Variants in PANX1 observed in about 807,000 individuals in gnomAD.
PANX1 encodes pannexin-1.
Under a neutral mutation model 38.7 loss-of-function variants are expected in PANX1, and 30 were observed. That is an observed-to-expected ratio of 0.78 (90% confidence interval 0.58 to 1.05). The LOEUF (loss-of-function observed/expected upper bound fraction) is 1.05, where lower values mean the gene tolerates loss of function less well. Ranked by LOEUF, PANX1 falls within the 50% of genes least tolerant of loss-of-function variation. The pLI is 0.00. For missense variants in PANX1, 551 were observed against 517.2 expected (o/e 1.07, Z -0.63); for synonymous variants, 230 against 212.2 (o/e 1.08, Z -0.73).
In PANX1 at chr11:94,180,970, G is replaced by A. The variant is rs576216294; in HGVS notation, c.*101G>A. On this transcript the variant is annotated 3_prime_UTR_variant, in exon 5 of 5. Coordinates refer to ENST00000227638, the MANE Select transcript of PANX1 (RefSeq NM_015368.4). ...TTTCACAGCTGGTTTGCAATAAATG[G>A]TTCTTGGTGGAGATACTGAGCATGT... is the stretch of plus-strand genomic sequence containing the variant. The A allele has an allele frequency of 1.4e-6, 1 of 723,806 alleles. No individual in the cohort carries two copies. Among genetic ancestry groups the A allele is most frequent in the Non-Finnish European group, 2.5e-6 (1 of 396,584 alleles). The allele number at this position is 723,806 out of a possible 1,614,324, so 44.8% of individuals were successfully genotyped here.
At chr11:94,130,029 C>T (rs968559583) in intron 1 of PANX1, among the ~76,000 whole-genome samples, 8 of 152,204 alleles carry the variant, frequency 5.3e-5, no homozygotes, top group African/African-American at 1.9e-4. Context: ...TTAGAGGGAT[C>T]CTCAACTTGG....
chr11:94,129,301 C>A lies in PANX1; in HGVS notation c.-12C>A, dbSNP rs1437111446. 2.5e-6 allele frequency: 4 copies of A among 1,596,180 alleles called. No individual in the cohort carries two copies. The highest frequency in any genetic ancestry group is 3.4e-6 in the Non-Finnish European group (4 of 1,166,594). On this transcript the variant is annotated 5_prime_UTR_variant, in exon 1 of 5. Transcript: ENST00000227638. ...ACCCGGACCTCCTGGTCGAGCCTGGCGCGCCGCAGCCATGGCCATCGCTCA... is the reference window on the plus strand; with the variant it reads ...ACCCGGACCTCCTGGTCGAGCCTGGAGCGCCGCAGCCATGGCCATCGCTCA...
intron 2 of PANX1, among the ~76,000 whole-genome samples, chr11:94,155,378 C>T (rs1240164405): frequency 6.7e-6 from 1 of 148,558 alleles, no homozygotes; most frequent in Non-Finnish European, 1.5e-5. Context: ...GCCAGGCATG[C>T]TGGTGCATGC....
At chr11:94,145,806 G>A (rs761230418) in intron 1 of PANX1, among the ~76,000 whole-genome samples, 1 of 152,218 alleles carries the variant, frequency 6.6e-6, no homozygotes, top group African/African-American at 2.4e-5. Context: ...TATAGATACT[G>A]TTGGGAGCCA....
intron 2 of PANX1, chr11:94,175,773 T>C: frequency 1.0e-5 from 10 of 984,818 alleles, no homozygotes; most frequent in Non-Finnish European, 1.1e-5. Flanking sequence ...CAGCCAAAAT[T>C]CAGCTAATCA....
chr11:94,173,599 G>C (rs914151231), intron 2 of PANX1, among the ~76,000 whole-genome samples: 1 of 151,230 alleles, frequency 6.6e-6, no homozygotes, highest in South Asian at 2.1e-4. Context: ...CTCCTTTTCC[G>C]TCCCCCTCTT....
Position 94,180,140 on chromosome 11 carries a change from G to T in PANX1, c.1084G>T (p.Asp362Tyr). The T allele has an allele frequency of 1.2e-6, 2 of 1,613,766 alleles. No individual in the cohort carries two copies. Among genetic ancestry groups the T allele is most frequent in the South Asian group, 2.2e-5 (2 of 90,996 alleles). Residue 362 changes from aspartate to tyrosine, a missense_variant, in exon 4 of 5, where the codon GAC (aspartate) becomes TAC (tyrosine). Physicochemically the swap from Asp to Tyr is radical, Grantham distance 160. Coordinates refer to ENST00000227638, the MANE Select transcript of PANX1 (RefSeq NM_015368.4). ...TATTAAGAGCAGTGGTCAGGGGATCGACCCAATGCTACTCCTGACAAACCT... is the reference window on the plus strand; with the variant it reads ...TATTAAGAGCAGTGGTCAGGGGATCTACCCAATGCTACTCCTGACAAACCT... ...ENIKSSGQGI[D>Y]PMLLLTNLGM...
chr11:94,161,549 C>G lies in PANX1; in HGVS notation c.321+7919C>G, dbSNP rs188280504. ...GCTTGTGCATTTGTCAGGTAGTTCT[C>G]GTGCCGTGGTTTTCAGCTCCATCAG... On this transcript the variant is annotated intron_variant, in intron 2 of 4. Transcript: ENST00000227638. 3.3e-5 allele frequency among the ~76,000 whole-genome samples: 5 copies of G among 152,178 alleles called. No homozygotes were observed. In the South Asian group the frequency reaches 1.0e-3, roughly 32 times the overall value.
intron 1 of PANX1, among the ~76,000 whole-genome samples, chr11:94,137,642 G>C (rs1946710291): frequency 1.4e-5 from 2 of 147,172 alleles, no homozygotes; most frequent in African/African-American, 5.1e-5. Flanking sequence ...CATCTGCTTG[G>C]TACCAGGCAC....
At chr11:94,179,517 G>T in intron 3 of PANX1, 85 bp from the exon 4 acceptor site, 1 of 949,840 alleles carries the variant, frequency 1.1e-6, no homozygotes. Flanking sequence ...AATTTTTAGT[G>T]TGACATTGTT....
chr11:94,165,621 G>A (rs2134510197), intron 2 of PANX1, among the ~76,000 whole-genome samples: 1 of 152,280 alleles, frequency 6.6e-6, no homozygotes, highest in East Asian at 1.9e-4. Context: ...TAAAATAATT[G>A]GTTATGTGGC....
rs191846383 is a variant in PANX1 at position 94,181,804 on chromosome 11, G to A, written c.*935G>A. On this transcript the variant is annotated 3_prime_UTR_variant, in exon 5 of 5. Transcript: ENST00000227638. ...GTGACATTGGCATGCTTCATATGGC[G>A]TGCTTGGAGCCAGAAAAACTTAGCG... 35 of 152,276 alleles carry A rather than the reference G, an allele frequency of 2.3e-4. No individual in the cohort carries two copies. The highest frequency in any genetic ancestry group is 7.2e-4 in the African/African-American group (30 of 41,552). The allele number at this position is 152,276 out of a possible 1,614,324, so 9.4% of individuals were successfully genotyped here.
intron 2 of PANX1, among the ~76,000 whole-genome samples, chr11:94,158,813 C>T (rs985329485): frequency 6.6e-6 from 1 of 152,162 alleles, no homozygotes; most frequent in Non-Finnish European, 1.5e-5. Flanking sequence ...GAGAGGGCAT[C>T]CCTGTCTTGT....
chr11:94,178,794 T>C (rs1344968714), intron 3 of PANX1, among the ~76,000 whole-genome samples: 1 of 152,130 alleles, frequency 6.6e-6, no homozygotes. Flanking sequence ...TCCTACCCAT[T>C]TGTTTATCCT....
chr11:94,179,759 T>C lies in PANX1; in HGVS notation c.703T>C (p.Phe235Leu). Reference sequence around the variant, plus strand: ...AGCGTGTATCTACCTGGGCTATTACTTCAGCCTCTCCTCACTCTCAGACGA... The same window carrying C: ...AGCGTGTATCTACCTGGGCTATTACCTCAGCCTCTCCTCACTCTCAGACGA... Reference protein sequence around the residue: ...LLACIYLGYYFSLSSLSDEFV... With the variant: ...LLACIYLGYYLSLSSLSDEFV... The change falls in exon 4 of 5, where the codon TTC becomes CTC. Residue 235 changes from phenylalanine to leucine, a missense_variant. Physicochemically the swap from Phe to Leu is conservative, Grantham distance 22. Transcript: ENST00000227638. 1 of 1,614,152 alleles carries C rather than the reference T, an allele frequency of 6.2e-7. No homozygotes were observed. Among genetic ancestry groups the C allele is most frequent in the South Asian group, 1.1e-5 (1 of 91,078 alleles).
chr11:94,180,206 A>T lies in PANX1; in HGVS notation c.1150A>T (p.Met384Leu), dbSNP rs756874786. Residue 384 changes from methionine (M) to leucine (L), a missense_variant, in exon 4 of 5, where the codon ATG becomes TTG. Physicochemically the swap from Met to Leu is conservative, Grantham distance 15 (BLOSUM62 2). Transcript: ENST00000227638. ...GGATGTTGTTGATGGCAAAACTCCC[A>T]TGTCTGCAGAGATGAGAGAGGAGCA... ...KMDVVDGKTP[M>L]SAEMREEQGN... 2.7e-5 allele frequency: 44 copies of T among 1,613,402 alleles called. No homozygotes were observed. The Admixed American group carries it at 7.3e-4, about 27-fold the overall frequency.
chr11:94,147,714 G>C (rs1946843324), intron 1 of PANX1, among the ~76,000 whole-genome samples: 1 of 152,158 alleles, frequency 6.6e-6, no homozygotes, highest in Non-Finnish European at 1.5e-5. Context: ...GCTCTCTTTG[G>C]CTGTGGGGTT....
At chr11:94,170,196 A>G (rs1223187102) in intron 2 of PANX1, among the ~76,000 whole-genome samples, 2 of 151,664 alleles carry the variant, frequency 1.3e-5, no homozygotes, top group Non-Finnish European at 2.9e-5. Flanking sequence ...ACCTGCATCC[A>G]TTAAGCAGTA....
chr11:94,142,223 T>C (rs1322417962), intron 1 of PANX1, among the ~76,000 whole-genome samples: 1 of 152,182 alleles, frequency 6.6e-6, no homozygotes, highest in Non-Finnish European at 1.5e-5. Context: ...GGATTCCTGC[T>C]GGGGAGGGTG....
Sources: gnomAD v4.1 joint callset for allele counts (sites outside exome capture counted in the v4.1 genomes callset) on GRCh38, gnomAD v4.1.1 for gene constraint, MANE v1.5 for transcripts, NCBI Gene and HGNC (gene_info 2026-07-23, HGNC 2026-07-21) for gene names.